The following PITPNC1 variants were observed in gnomAD, a reference collection of about 807,000 sequenced individuals.
PITPNC1 encodes the protein phosphatidylinositol transfer protein cytoplasmic 1, also known as cytoplasmic phosphatidylinositol transfer protein 1.
A neutral mutation model predicts 44.7 loss-of-function variants in PITPNC1; 18 were observed. That is an observed-to-expected ratio of 0.40 (90% CI 0.28 to 0.60). The LOEUF (loss-of-function observed/expected upper bound fraction) is 0.60, where lower values mean the gene tolerates loss of function less well. PITPNC1 is among the 20% of genes least tolerant of loss of function. The pLI is 0.39. For synonymous variants in PITPNC1, 141 were observed against 149.6 expected (o/e 0.94, Z 0.42); for missense variants, 290 against 418.4 (o/e 0.69, Z 2.68).
intron 1 of PITPNC1, among the ~76,000 whole-genome samples, chr17:67,455,152 T>G (rs900944653): frequency 6.6e-6 from 1 of 152,164 alleles, no homozygotes; most frequent in African/African-American, 2.4e-5. Flanking sequence ...CCCAAGCCCA[T>G]ACTATGCATA....
Position 67,642,695 on chromosome 17 carries a change from C to T in PITPNC1, c.462+10457C>T, listed in dbSNP as rs987068002. 1.1e-4 allele frequency among the ~76,000 whole-genome samples: 17 copies of T among 152,176 alleles called. No individual in the cohort carries two copies. The East Asian group carries it at 1.5e-3, about 14-fold the overall frequency. On this transcript the variant is annotated intron_variant, in intron 6 of 8. Coordinates refer to ENST00000581322, the MANE Select transcript of PITPNC1 (RefSeq NM_012417.4). The stretch of plus-strand genomic sequence containing the variant: ...AAGACGCCAAGTCTCGCTGAAGCAC[C>T]GTGCCTAGTGCTGATTTTAAAAGCC...
At chr17:67,482,409 A>G (rs1295569172) in intron 1 of PITPNC1, among the ~76,000 whole-genome samples, 2 of 152,184 alleles carry the variant, frequency 1.3e-5, no homozygotes, top group African/African-American at 4.8e-5. Flanking sequence ...AATGGTAATC[A>G]TATAACACAT....
intron 8 of PITPNC1, among the ~76,000 whole-genome samples, chr17:67,679,375 G>GC (rs1302750911): frequency 1.3e-5 from 2 of 152,206 alleles, no homozygotes; most frequent in African/African-American, 2.4e-5. Flanking sequence ...AGAAAAAGGT[G>GC]CCCCTTCTGG....
intron 1 of PITPNC1, among the ~76,000 whole-genome samples, chr17:67,405,476 A>G (rs2038381704): frequency 6.6e-6 from 1 of 152,080 alleles, no homozygotes; most frequent in South Asian, 2.1e-4. Context: ...CAAGAAAAAT[A>G]TATTGCTGTT....
At chr17:67,570,589 C>T (rs562073298) in intron 4 of PITPNC1, among the ~76,000 whole-genome samples, 15 of 152,284 alleles carry the variant, frequency 9.9e-5, no homozygotes, top group Non-Finnish European at 7.4e-5. Context: ...ATCTGCCAGG[C>T]GCTGCCTGGC....
At chr17:67,681,577 CCAG>C (rs1456325185) in intron 8 of PITPNC1, among the ~76,000 whole-genome samples, 1 of 137,470 alleles carries the variant, frequency 7.3e-6, no homozygotes, top group African/African-American at 2.7e-5. Flanking sequence ...CCACTGCACT[CCAG>C]CCTAGGTGAC....
chr17:67,500,573 A>G (rs1472969383), intron 1 of PITPNC1, among the ~76,000 whole-genome samples: 4 of 152,186 alleles, frequency 2.6e-5, no homozygotes, highest in Admixed American at 1.3e-4. Flanking sequence ...GGTTGTAACA[A>G]CCTCATGAAT....
At chr17:67,573,216 G>A (rs1181904671) in intron 4 of PITPNC1, among the ~76,000 whole-genome samples, 1 of 152,188 alleles carries the variant, frequency 6.6e-6, no homozygotes, top group Non-Finnish European at 1.5e-5. Flanking sequence ...ACCTGGAAAT[G>A]TGAGAGGAGT....
chr17:67,433,584 G>C (rs940566132), intron 1 of PITPNC1, among the ~76,000 whole-genome samples: 1 of 152,126 alleles, frequency 6.6e-6, no homozygotes, highest in African/African-American at 2.4e-5. Context: ...GGTGGCCTGC[G>C]CCTGTAAACC....
chr17:67,633,560 A>G (rs936843268), intron 6 of PITPNC1, among the ~76,000 whole-genome samples: 3 of 152,254 alleles, frequency 2.0e-5, no homozygotes, highest in African/African-American at 4.8e-5. Context: ...GCGTTTTAAC[A>G]TCATCAGCTT....
intron 1 of PITPNC1, among the ~76,000 whole-genome samples, chr17:67,425,197 G>GCGCGCGCGCGCGCGCA (rs748898605): frequency 1.1e-4 from 11 of 98,424 alleles, no homozygotes; most frequent in Non-Finnish European, 1.3e-4. Flanking sequence ...GCGCGCGCAC[G>GCGCGCGCGCGCGCGCA]CACACGCACA....
chr17:67,378,146 G>C lies in PITPNC1; in HGVS notation c.-9G>C, dbSNP rs758409523. 1.3e-6 allele frequency: 2 copies of C among 1,536,034 alleles called. No homozygotes were observed. Among genetic ancestry groups the C allele is most frequent in the East Asian group, 2.7e-5 (1 of 37,124 alleles). On this transcript the variant is annotated 5_prime_UTR_variant, in exon 1 of 9. Transcript: ENST00000581322. ...CTTCCCGCCCCGGGGGTCCGCGGCC[G>C]GCAGGACCATGCTGCTGAAAGAGTA...
chr17:67,661,733 T>C (rs1234890821), intron 6 of PITPNC1, among the ~76,000 whole-genome samples: 3 of 152,212 alleles, frequency 2.0e-5, no homozygotes, highest in Admixed American at 1.3e-4. Flanking sequence ...GTGCAGTGGC[T>C]CACGCCTGTA....
At chr17:67,453,694 A>T (rs2039215762) in intron 1 of PITPNC1, among the ~76,000 whole-genome samples, 1 of 152,244 alleles carries the variant, frequency 6.6e-6, no homozygotes, top group Non-Finnish European at 1.5e-5. Flanking sequence ...ATGAAACTCC[A>T]AACATAGTAA....
intron 1 of PITPNC1, among the ~76,000 whole-genome samples, chr17:67,481,777 T>TAAAA (rs3052405): frequency 1.4e-5 from 2 of 146,450 alleles, no homozygotes; most frequent in East Asian, 2.0e-4. Context: ...TTTGAAGATT[T>TAAAA]AAAAAAAAAA....
intron 1 of PITPNC1, among the ~76,000 whole-genome samples, chr17:67,439,259 C>G (rs1209566305): frequency 1.3e-5 from 2 of 152,172 alleles, no homozygotes; most frequent in African/African-American, 4.8e-5. Context: ...TTACCAAGCA[C>G]TGTATTTAGT....
At chr17:67,460,334 G>A (rs2039317609) in intron 1 of PITPNC1, among the ~76,000 whole-genome samples, 1 of 152,100 alleles carries the variant, frequency 6.6e-6, no homozygotes, top group African/African-American at 2.4e-5. Flanking sequence ...CCAGGGCTCG[G>A]AACTCCCTAG....
chr17:67,552,219 A>G, intron 2 of PITPNC1, 38 bp from the exon 3 acceptor site: 2 of 1,020,872 alleles, frequency 2.0e-6, no homozygotes, highest in Non-Finnish European at 3.1e-6. Context: ...GAGACTCTGA[A>G]CAGACTCCAA....
chr17:67,536,844 G>A (rs1020770436), intron 2 of PITPNC1, among the ~76,000 whole-genome samples: 3 of 152,112 alleles, frequency 2.0e-5, no homozygotes, highest in Non-Finnish European at 4.4e-5. Context: ...AGCTATCTAT[G>A]CTATTCAAAG....
Sources: gnomAD v4.1 joint callset for allele counts (sites outside exome capture counted in the v4.1 genomes callset) on GRCh38, gnomAD v4.1.1 for gene constraint, MANE v1.5 for transcripts, NCBI Gene and HGNC (gene_info 2026-07-23, HGNC 2026-07-21) for gene names.